GPR158: variants seen among roughly 807,000 people sequenced by gnomAD.
GPR158 encodes metabotropic glycine receptor.
GPR158 carries 30 observed loss-of-function variants against 78.2 expected under a neutral mutation model. The observed-to-expected ratio is 0.38, with a 90% CI of 0.29 to 0.52. The LOEUF (loss-of-function observed/expected upper bound fraction) is 0.52. GPR158 is among the 20% of genes least tolerant of loss of function. The probability of loss-of-function intolerance (pLI) is 0.83; values close to 1 mark genes in which losing one functional copy is unlikely to be tolerated. For synonymous variants in GPR158, 581 were observed against 591.1 expected (o/e 0.98, Z 0.25); for missense variants, 1,463 against 1,523.5 (o/e 0.96, Z 0.66).
intron 2 of GPR158, among the ~76,000 whole-genome samples, chr10:25,327,801 G>T (rs1180056093): frequency 6.6e-6 from 1 of 152,068 alleles, no homozygotes; most frequent in African/African-American, 2.4e-5. Flanking sequence ...GAATGAAGAA[G>T]ATACTGAAAT....
At position 25,377,140 on chromosome 10, in the gene GPR158, TC is replaced by T. The variant is rs572682949; in HGVS notation, c.1009-18767del. ...TTTTTGCCTCATTAGTTCTCTCACCTCCCCTCTGGCTCTCCAATTATAGGTA... is the reference window on the plus strand; with the variant it reads ...TTTTTGCCTCATTAGTTCTCTCACCTCCCTCTGGCTCTCCAATTATAGGTA... On this transcript the variant is annotated intron_variant, in intron 2 of 10. Coordinates refer to ENST00000376351, the MANE Select transcript of GPR158 (RefSeq NM_020752.3). Among the ~76,000 whole-genome samples, 3 of 151,910 alleles carry T rather than the reference TC, an allele frequency of 2.0e-5. No individual in the cohort carries two copies. In the South Asian group the frequency reaches 6.2e-4, roughly 31 times the overall value.
At chr10:25,205,875 G>A (rs1853020410) in intron 1 of GPR158, among the ~76,000 whole-genome samples, 1 of 151,752 alleles carries the variant, frequency 6.6e-6, no homozygotes, top group Non-Finnish European at 1.5e-5. Flanking sequence ...TTTAGATTAT[G>A]TGCCTTGTGC....
chr10:25,232,061 C>T (rs975507092), intron 2 of GPR158, among the ~76,000 whole-genome samples: 3 of 152,060 alleles, frequency 2.0e-5, no homozygotes, highest in African/African-American at 7.3e-5. Flanking sequence ...AGTGGGAGAA[C>T]ATCTGATGAA....
intron 4 of GPR158, among the ~76,000 whole-genome samples, chr10:25,419,051 G>C (rs147902056): frequency 6.6e-5 from 10 of 151,882 alleles, no homozygotes; most frequent in Non-Finnish European, 1.2e-4. Context: ...GTAAAATAAA[G>C]TTAGGTATGT....
At chr10:25,298,864 A>G (rs1043144204) in intron 2 of GPR158, among the ~76,000 whole-genome samples, 4 of 152,210 alleles carry the variant, frequency 2.6e-5, no homozygotes, top group Admixed American at 2.0e-4. Context: ...CTAAAAAGAT[A>G]AAAATCTCCA....
At chr10:25,439,820 A>G (rs1835044836) in intron 4 of GPR158, among the ~76,000 whole-genome samples, 1 of 152,164 alleles carries the variant, frequency 6.6e-6, no homozygotes, top group Admixed American at 6.5e-5. Flanking sequence ...GCAAAGAACA[A>G]TTGTCTACAA....
intron 6 of GPR158, among the ~76,000 whole-genome samples, chr10:25,568,856 A>C (rs1836966432): frequency 6.6e-6 from 1 of 152,200 alleles, no homozygotes; most frequent in Non-Finnish European, 1.5e-5. Context: ...AAACATTCTG[A>C]ACTCATGGTC....
rs141199449 is a variant in GPR158, at chr10:25,396,010, C to T, written c.1108C>T (p.Arg370Trp). Residue 370 changes from arginine to tryptophan, a missense_variant, in exon 3 of 11, where the codon CGG becomes TGG. By Grantham distance (101) the Arg-to-Trp change is moderately radical. Coordinates refer to ENST00000376351, the MANE Select transcript of GPR158 (RefSeq NM_020752.3). Reference sequence around the variant, plus strand: ...TGGAGTCTTACCAGTGAACAACTTTCGGAGTAAGTGCCCTTTGTTTCTATG... The same window carrying T: ...TGGAGTCTTACCAGTGAACAACTTTTGGAGTAAGTGCCCTTTGTTTCTATG... ...HPGVLPVNNF[R>W]RRGPDQHISG... 1.5e-5 allele frequency: 23 copies of T among 1,487,282 alleles called. No homozygotes were observed. Among genetic ancestry groups the T allele is most frequent in the Middle Eastern group, 1.7e-4 (1 of 5,846 alleles). The allele number at this position is 1,487,282 out of a possible 1,614,324, so 92.1% of individuals were successfully genotyped here.
At chr10:25,337,762 A>G (rs554203115) in intron 2 of GPR158, among the ~76,000 whole-genome samples, 1 of 152,024 alleles carries the variant, frequency 6.6e-6, no homozygotes, top group Non-Finnish European at 1.5e-5. Flanking sequence ...ACAGCCATAT[A>G]TGAATGAAAA....
intron 2 of GPR158, among the ~76,000 whole-genome samples, chr10:25,226,907 T>C (rs974489028): frequency 6.6e-6 from 1 of 152,202 alleles, no homozygotes; most frequent in Non-Finnish European, 1.5e-5. Flanking sequence ...AAGACTGCTG[T>C]TAGCTACCTT....
At position 25,176,060 on chromosome 10, in the gene GPR158, G is replaced by C; in HGVS notation, c.640G>C (p.Ala214Pro). 3 of 1,605,800 alleles carry C rather than the reference G, an allele frequency of 1.9e-6. No homozygotes were observed. Among genetic ancestry groups the C allele is most frequent in the Non-Finnish European group, 2.5e-6 (3 of 1,176,738 alleles). ...CCTGTCCTCCTCCGCACCCCACCTG[G>C]CCAACGCCACTCTGGAGACCGAGTG... ...QDLSSSAPHL[A>P]NATLETEWFH... Residue 214 changes from alanine to proline, a missense_variant, in exon 1 of 11, where the codon GCC (alanine) becomes CCC (proline). By Grantham distance (27) the Ala-to-Pro change is conservative. Transcript: ENST00000376351. This position sits in a 1 kb window ranked among gnomAD's most constrained non-coding sequence, Gnocchi z 6.3.
intron 4 of GPR158, among the ~76,000 whole-genome samples, chr10:25,449,168 G>T (rs577577848): frequency 1.6e-4 from 25 of 152,306 alleles, no homozygotes; most frequent in African/African-American, 6.0e-4. Context: ...TGCTGCGCAT[G>T]AAGCTTTCCT....
intron 5 of GPR158, among the ~76,000 whole-genome samples, chr10:25,471,755 A>G (rs1248669281): frequency 7.9e-5 from 12 of 152,202 alleles, no homozygotes; most frequent in African/African-American, 2.4e-4. Context: ...CTGCATAAAT[A>G]TCTTCTTTTG....
chr10:25,582,887 C>G (rs1470152619), intron 7 of GPR158, among the ~76,000 whole-genome samples: 1 of 152,162 alleles, frequency 6.6e-6, no homozygotes, highest in Non-Finnish European at 1.5e-5. Context: ...ACAGGCTATT[C>G]AATTCTAATT....
chr10:25,251,400 T>G (rs1206543699), intron 2 of GPR158, among the ~76,000 whole-genome samples: 2 of 151,910 alleles, frequency 1.3e-5, no homozygotes, highest in Non-Finnish European at 2.9e-5. Context: ...TGCAGTTTCT[T>G]CCTAGTCTCG....
intron 6 of GPR158, among the ~76,000 whole-genome samples, chr10:25,566,902 A>G (rs1288132264): frequency 6.6e-6 from 1 of 152,064 alleles, no homozygotes; most frequent in African/African-American, 2.4e-5. Flanking sequence ...AGAAACCTCC[A>G]GCACTTTTTG....
intron 1 of GPR158, among the ~76,000 whole-genome samples, chr10:25,187,927 C>G (rs1404386217): frequency 2.6e-5 from 4 of 152,218 alleles, no homozygotes; most frequent in Non-Finnish European, 5.9e-5. Flanking sequence ...TAAGCAACTT[C>G]AGCAAAGTCT....
chr10:25,449,671 T>C (rs77413543), intron 4 of GPR158, among the ~76,000 whole-genome samples: 2,353 of 152,244 alleles, frequency 0.015, 70 homozygotes, highest in African/African-American at 0.054. Context: ...TTGTACCAAA[T>C]AGTGACTATA....
intron 1 of GPR158, among the ~76,000 whole-genome samples, chr10:25,187,027 C>T (rs1002529985): frequency 2.2e-5 from 3 of 136,298 alleles, no homozygotes; most frequent in African/African-American, 8.5e-5. Flanking sequence ...TGCAGTGGGG[C>T]GATCTCGGCT....
Sources: allele counts gnomAD v4.1 joint callset (sites outside exome capture counted in the v4.1 genomes callset), GRCh38; gene constraint gnomAD v4.1.1; non-coding constraint Gnocchi (gnomAD v3.1); transcripts MANE v1.5; gene names NCBI Gene and HGNC (gene_info 2026-07-23, HGNC 2026-07-21).